The following FRMD6 variants were observed in gnomAD, a reference collection of about 807,000 sequenced individuals.
The protein encoded by FRMD6 is FERM domain containing 6, also known as FERM domain-containing protein 6.
Under a neutral mutation model 73.2 loss-of-function variants are expected in FRMD6, and 37 were observed. The observed-to-expected ratio is 0.51, with a 90% CI of 0.39 to 0.66. FRMD6 has a LOEUF of 0.66. Ranked by LOEUF, FRMD6 falls within the 30% of genes least tolerant of loss-of-function variation. FRMD6 has a pLI of 0.00. For missense variants in FRMD6, 714 were observed against 780.5 expected, an observed-to-expected ratio of 0.91 and a Z score of 1.02; for synonymous variants, 273 against 282.2, an observed-to-expected ratio of 0.97 and a Z score of 0.33.
chr14:51,466,289 T>C, the FRMD6 span, among the ~76,000 whole-genome samples: 1 of 152,230 alleles, frequency 6.6e-6, no homozygotes, highest in East Asian at 1.9e-4. Context: ...TTTGTTTCTT[T>C]TGTAATTCAT....
At chr14:51,647,625 C>T (rs192509759), upstream of FRMD6, among the ~76,000 whole-genome samples, 696 of 152,078 alleles carry the variant, frequency 4.6e-3, 4 homozygotes, top group Non-Finnish European at 7.5e-3. Context: ...TAAAATGAAT[C>T]TCAGTAATTA....
chr14:51,705,069 T>A, intron 6 of FRMD6, 134 bp downstream of exon 6: 1 of 720,574 alleles, frequency 1.4e-6, no homozygotes, highest in Non-Finnish European at 2.2e-6. Context: ...CCCAGATATT[T>A]AATGCTTAAG....
At position 51,730,632 on chromosome 14, in the gene FRMD6, G is replaced by C. The variant is rs1276090480; in HGVS notation, c.*2603G>C. The C allele has an allele frequency of 1.3e-5, 2 of 152,380 alleles. No individual in the cohort carries two copies. The highest frequency in any genetic ancestry group is 4.1e-4 in the South Asian group (2 of 4,824). The allele number at this position is 152,380 out of a possible 1,614,324, so 9.4% of individuals were successfully genotyped here. ...TCATCATATCAAGATGATACCAAAA[G>C]TATGTAAAAAGAAACCTGCATTATT... On this transcript the variant is annotated 3_prime_UTR_variant, in exon 14 of 14. Transcript: ENST00000344768.
intron 2 of FRMD6, among the ~76,000 whole-genome samples, chr14:51,625,125 A>G (rs1366945961): frequency 6.6e-6 from 1 of 152,216 alleles, no homozygotes; most frequent in African/African-American, 2.4e-5. Flanking sequence ...TGTCTTCAGC[A>G]TAGTATGAGC....
At chr14:51,421,670 C>G in the FRMD6 span, among the ~76,000 whole-genome samples, 14 of 152,334 alleles carry the variant, frequency 9.2e-5, no homozygotes, top group Admixed American at 3.3e-4. Flanking sequence ...TGAAGTGACA[C>G]ATCTGTGTCA....
chr14:51,518,387 G>T (rs575500235), intron 1 of FRMD6, among the ~76,000 whole-genome samples: 1 of 152,142 alleles, frequency 6.6e-6, no homozygotes, highest in South Asian at 2.1e-4. Flanking sequence ...AAAGAATGCT[G>T]GAGTCCCAGC....
At chr14:51,490,965 G>T (rs1200265206) in intron 1 of FRMD6, among the ~76,000 whole-genome samples, 1 of 152,164 alleles carries the variant, frequency 6.6e-6, no homozygotes, top group Non-Finnish European at 1.5e-5. Flanking sequence ...CTGGGCAAGG[G>T]CCCTGGTTCT....
intron 2 of FRMD6, among the ~76,000 whole-genome samples, chr14:51,640,138 A>G (rs1450204958): frequency 1.3e-5 from 2 of 152,200 alleles, no homozygotes; most frequent in East Asian, 3.8e-4. Context: ...AAAATTAAAA[A>G]CAGGCAGTCC....
At chr14:51,723,626 A>C (rs140451038) in intron 12 of FRMD6, among the ~76,000 whole-genome samples, 25 of 74,734 alleles carry the variant, frequency 3.3e-4, no homozygotes, top group Admixed American at 7.5e-4. Context: ...ACTAAAATGC[A>C]AAAAAAAAAA....
intron 2 of FRMD6, among the ~76,000 whole-genome samples, chr14:51,570,745 A>T (rs545568661): frequency 1.3e-5 from 2 of 152,252 alleles, no homozygotes; most frequent in Non-Finnish European, 2.9e-5. Context: ...GGCCAAAGGA[A>T]TAGAAAATAT....
chr14:51,487,392 A>G (rs1468397585), upstream of FRMD6, among the ~76,000 whole-genome samples: 1 of 152,244 alleles, frequency 6.6e-6, no homozygotes, highest in Non-Finnish European at 1.5e-5. Flanking sequence ...TATGAAAACA[A>G]TCTCTAGATG....
the FRMD6 span, among the ~76,000 whole-genome samples, chr14:51,418,050 A>G: frequency 6.6e-6 from 1 of 152,090 alleles, no homozygotes; most frequent in Admixed American, 6.6e-5. Flanking sequence ...TTAGCCATTC[A>G]TCTAATCTTT....
intron 9 of FRMD6, chr14:51,714,342 C>A (rs1424285039): frequency 6.6e-6 from 1 of 152,046 alleles, no homozygotes; most frequent in Non-Finnish European, 1.5e-5. Context: ...TCCACCTTAT[C>A]CCTGCCTGGG....
At chr14:51,625,466 GT>G (rs1891081003) in intron 2 of FRMD6, among the ~76,000 whole-genome samples, 1 of 19,962 alleles carries the variant, frequency 5.0e-5, no homozygotes, top group South Asian at 1.4e-3. Flanking sequence ...TTTTTTTTTT[GT>G]TGTTGTTGTT....
In FRMD6 at chr14:51,721,959, G is replaced by A; in HGVS notation, c.1371G>A (p.Met457Ile). The change falls in exon 12 of 14, where the codon ATG (methionine) becomes ATA (isoleucine). Residue 457 changes from methionine to isoleucine, a missense_variant. By Grantham distance (10) the Met-to-Ile change is conservative (BLOSUM62 1). Transcript: ENST00000344768. ...EEDLQDDEIEMLVDDPRDLEQ... is the reference protein window; with the variant it reads ...EEDLQDDEIEILVDDPRDLEQ... ...CTTCTTCTGTGTCAGAAATAGAGAT[G>A]TTGGTTGATGACCCCCGGGATCTGG... 6.2e-6 allele frequency: 10 copies of A among 1,614,126 alleles called. No homozygotes were observed. The highest frequency in any genetic ancestry group is 8.5e-6 in the Non-Finnish European group (10 of 1,180,006).
chr14:51,646,881 C>T (rs954179298), intron 2 of FRMD6, among the ~76,000 whole-genome samples: 2 of 151,914 alleles, frequency 1.3e-5, no homozygotes, highest in African/African-American at 2.4e-5. Context: ...AACTCCAAGA[C>T]GCCAGTGTAA....
chr14:51,425,174 G>A, the FRMD6 span, among the ~76,000 whole-genome samples: 4 of 152,090 alleles, frequency 2.6e-5, no homozygotes, highest in Non-Finnish European at 4.4e-5. Flanking sequence ...GGCAATGGAC[G>A]GGACTTTGGC....
At chr14:51,507,083 GACACACACACACACACACACACACACAC>G (rs200052672) in intron 1 of FRMD6, among the ~76,000 whole-genome samples, 13 of 139,092 alleles carry the variant, frequency 9.3e-5, no homozygotes, top group South Asian at 2.5e-4. Context: ...TGGTTGTATA[GACACACACACACACACACACACACACAC>G]ACACACACAC....
chr14:51,416,154 C>T, the FRMD6 span, among the ~76,000 whole-genome samples: 3 of 152,154 alleles, frequency 2.0e-5, no homozygotes, highest in Non-Finnish European at 4.4e-5. Flanking sequence ...CTATCTCCTT[C>T]AGTTCTGCTC....
Sources: allele counts gnomAD v4.1 joint callset (sites outside exome capture counted in the v4.1 genomes callset), GRCh38; gene constraint gnomAD v4.1.1; transcripts MANE v1.5; gene names NCBI Gene and HGNC (gene_info 2026-07-23, HGNC 2026-07-21).